DGKB: variants seen among roughly 807,000 people sequenced by gnomAD.
The protein encoded by DGKB is diacylglycerol kinase beta.
Under a neutral mutation model 114.3 loss-of-function variants are expected in DGKB, and 67 were observed. That is an observed-to-expected ratio of 0.59 (90% CI 0.48 to 0.72). DGKB has a LOEUF of 0.72. DGKB is among the 30% of genes least tolerant of loss of function. The pLI is 0.00. For synonymous variants in DGKB, 398 were observed against 323.1 expected (o/e 1.23, Z -2.49); for missense variants, 907 against 975.2 (o/e 0.93, Z 0.93).
intron 1 of DGKB, among the ~76,000 whole-genome samples, chr7:14,944,874 A>G (rs1012733123): frequency 3.3e-5 from 5 of 151,854 alleles, no homozygotes; most frequent in African/African-American, 1.2e-4. Flanking sequence ...AGTATATCAT[A>G]AGGTAATATT....
At chr7:14,487,781 T>C (rs1784049098) in intron 20 of DGKB, among the ~76,000 whole-genome samples, 1 of 151,510 alleles carries the variant, frequency 6.6e-6, no homozygotes, top group Non-Finnish European at 1.5e-5. Flanking sequence ...TTTTTTTTTT[T>C]TTTCTTTAGA....
rs3036022 is a variant in DGKB at position 14,929,022 on chromosome 7, TACACAC to T, written c.-188+45668_-188+45673del. Among the ~76,000 whole-genome samples the T allele has an allele frequency of 1.7e-3, 256 of 146,834 alleles. 1 individual carries two copies. Among genetic ancestry groups the T allele is most frequent in the Middle Eastern group, 6.9e-3 (2 of 288 alleles). On this transcript the variant is annotated intron_variant, in intron 1 of 4. Coordinates refer to the DGKB transcript ENST00000437998. ...TGGCTGAAAAGTACTGCATTGTGTA[TACACAC>T]ACACACACACACACACACACACACA...
chr7:14,570,500 T>A (rs558936443), intron 20 of DGKB, among the ~76,000 whole-genome samples: 2 of 152,254 alleles, frequency 1.3e-5, no homozygotes, highest in African/African-American at 4.8e-5. Flanking sequence ...ACTAATACTC[T>A]ACTGTTGACT....
chr7:14,620,074 T>G (rs1197079154), intron 15 of DGKB, among the ~76,000 whole-genome samples: 1 of 151,598 alleles, frequency 6.6e-6, no homozygotes, highest in Non-Finnish European at 1.5e-5. Context: ...TTTTATAGGA[T>G]AATTTAATTA....
At chr7:14,549,798 C>T (rs1001686299) in intron 20 of DGKB, among the ~76,000 whole-genome samples, 2 of 152,000 alleles carry the variant, frequency 1.3e-5, no homozygotes, top group Non-Finnish European at 1.5e-5. Flanking sequence ...ACCATCCTGG[C>T]CAACATAGTG....
At chr7:14,447,906 G>A (rs1341391421) in intron 21 of DGKB, among the ~76,000 whole-genome samples, 1 of 152,050 alleles carries the variant, frequency 6.6e-6, no homozygotes, top group Admixed American at 6.6e-5. Context: ...TTTAGACGGT[G>A]CTTGGTCAAA....
chr7:14,179,797 G>A (rs568636107), intron 23 of DGKB, among the ~76,000 whole-genome samples: 5 of 152,070 alleles, frequency 3.3e-5, no homozygotes, highest in African/African-American at 7.2e-5. Context: ...CTGTAGCACC[G>A]GATTACTCCA....
At chr7:14,270,833 GGGGGGT>G (rs1481220019) in intron 23 of DGKB, among the ~76,000 whole-genome samples, 1 of 152,166 alleles carries the variant, frequency 6.6e-6, no homozygotes, top group East Asian at 1.9e-4. Context: ...GCTTTCTGTA[GGGGGGT>G]GGGGTAGAAG....
In DGKB at chr7:14,826,505, G is replaced by A. The variant is rs184392722; in HGVS notation, c.70+14689C>T. Among the ~76,000 whole-genome samples, 13 of 152,092 alleles carry A rather than the reference G, an allele frequency of 8.5e-5. No homozygotes were observed. The East Asian group carries it at 2.1e-3, about 25-fold the overall frequency. On this transcript the variant is annotated intron_variant, in intron 2 of 25. Transcript: ENST00000402815. Reference sequence around the variant, plus strand: ...TTTCTTTCTTTCTATTTGCATTCCTGTTGGAAAGCAGTTTTGCTAGTTTGT... The same window carrying A: ...TTTCTTTCTTTCTATTTGCATTCCTATTGGAAAGCAGTTTTGCTAGTTTGT...
chr7:14,847,812 T>C (rs1848838454), intron 1 of DGKB, among the ~76,000 whole-genome samples: 1 of 152,198 alleles, frequency 6.6e-6, no homozygotes. Flanking sequence ...GTTAAATAAT[T>C]TTAAACTTGA....
At chr7:14,924,125 T>G (rs1784641059) in intron 1 of DGKB, among the ~76,000 whole-genome samples, 1 of 152,214 alleles carries the variant, frequency 6.6e-6, no homozygotes, top group Non-Finnish European at 1.5e-5. Flanking sequence ...TCTAACTGTT[T>G]AGTTTCTTGG....
At chr7:14,915,359 A>T (rs554788173) in intron 1 of DGKB, among the ~76,000 whole-genome samples, 14 of 152,240 alleles carry the variant, frequency 9.2e-5, no homozygotes, top group African/African-American at 3.4e-4. Context: ...GCCTGGCCTG[A>T]ATCACCGAAT....
intron 2 of DGKB, among the ~76,000 whole-genome samples, chr7:14,828,459 A>G (rs1845987394): frequency 6.6e-6 from 1 of 152,260 alleles, no homozygotes; most frequent in South Asian, 2.1e-4. Context: ...GACAGTTGGA[A>G]TAAGAATTTC....
At chr7:14,306,340 G>A (rs1020124082) in intron 23 of DGKB, among the ~76,000 whole-genome samples, 9 of 152,110 alleles carry the variant, frequency 5.9e-5, no homozygotes, top group Non-Finnish European at 1.0e-4. Flanking sequence ...TAGGGGAAAA[G>A]CAGGTAAGTT....
At chr7:14,219,420 C>G (rs1789554314) in intron 23 of DGKB, among the ~76,000 whole-genome samples, 1 of 151,836 alleles carries the variant, frequency 6.6e-6, no homozygotes, top group Non-Finnish European at 1.5e-5. Context: ...TCTCCACATT[C>G]TTGGCAACAC....
chr7:14,490,993 GC>G (rs1189827215), intron 20 of DGKB, among the ~76,000 whole-genome samples: 1 of 151,466 alleles, frequency 6.6e-6, no homozygotes, highest in Non-Finnish European at 1.5e-5. Context: ...GCTAATGTTT[GC>G]CCTTTAGAAA....
At chr7:14,568,140 G>A (rs753968644) in intron 20 of DGKB, among the ~76,000 whole-genome samples, 2 of 152,106 alleles carry the variant, frequency 1.3e-5, no homozygotes, top group Non-Finnish European at 2.9e-5. Context: ...TGCCATGTAA[G>A]CTTAGTGACT....
At chr7:14,930,384 C>A (rs1417106927) in intron 1 of DGKB, among the ~76,000 whole-genome samples, 2 of 152,190 alleles carry the variant, frequency 1.3e-5, no homozygotes, top group African/African-American at 2.4e-5. Context: ...ATCCATAATT[C>A]TTTTAATCAG....
At chr7:14,534,125 T>C (rs529287480) in intron 20 of DGKB, among the ~76,000 whole-genome samples, 2 of 152,034 alleles carry the variant, frequency 1.3e-5, no homozygotes, top group South Asian at 2.1e-4. Context: ...AAATAAACAA[T>C]AGAAAAATAA....
Sources: allele counts gnomAD v4.1 joint callset (sites outside exome capture counted in the v4.1 genomes callset), GRCh38; gene constraint gnomAD v4.1.1; transcripts MANE v1.5; gene names NCBI Gene and HGNC (gene_info 2026-07-23, HGNC 2026-07-21).